The following NME8 variants were observed in gnomAD, a reference collection of about 807,000 sequenced individuals.
NME8 encodes protein NME8.
NME8 carries 72 observed loss-of-function variants against 82.3 expected under a neutral mutation model. The ratio of observed to expected loss-of-function variants is 0.87; its 90% CI spans 0.72 to 1.06. The LOEUF (loss-of-function observed/expected upper bound fraction) is 1.06. Among genes scored for constraint, NME8 ranks in the 50% least tolerant of loss-of-function variants. NME8 has a pLI of 0.00. For synonymous variants in NME8, 267 were observed against 228.5 expected, an observed-to-expected ratio of 1.17 and a Z score of -1.52; for missense variants, 712 against 685.4, an observed-to-expected ratio of 1.04 and a Z score of -0.43.
intron 5 of NME8, among the ~76,000 whole-genome samples, chr7:37,852,919 T>C (rs967006357): frequency 2.0e-5 from 3 of 152,168 alleles, no homozygotes; most frequent in African/African-American, 4.8e-5. Flanking sequence ...CACCAAATCT[T>C]CCTAAGCAGC....
chr7:37,896,674 A>G, intron 16 of NME8, 196 bp from the exon 17 acceptor site: 1 of 599,682 alleles, frequency 1.7e-6, no homozygotes, highest in Non-Finnish European at 3.0e-6. Context: ...CTAGAATTAA[A>G]TTATAGCACC....
chr7:37,886,079 C>A, intron 14 of NME8, among the ~76,000 whole-genome samples: 1 of 152,172 alleles, frequency 6.6e-6, no homozygotes, highest in East Asian at 1.9e-4. Flanking sequence ...GTGGGATACA[C>A]TTAAATCTGA....
chr7:37,882,042 T>C lies in NME8; in HGVS notation c.995-2261T>C, dbSNP rs543796261. On this transcript the variant is annotated intron_variant, in intron 12 of 17. Transcript: ENST00000199447. ...TGTTGTTGGTGGTTGTGGCTTGATT[T>C]ATTTAGATACTTGCAAAATATTTTC... 4.6e-5 allele frequency among the ~76,000 whole-genome samples: 7 copies of C among 152,366 alleles called. No homozygotes were observed. In the South Asian group the frequency reaches 1.4e-3, roughly 32 times the overall value.
chr7:37,878,077 T>C (rs1481167638), intron 12 of NME8, among the ~76,000 whole-genome samples: 1 of 152,218 alleles, frequency 6.6e-6, no homozygotes, highest in Non-Finnish European at 1.5e-5. Context: ...CAAAAGCATT[T>C]GGTCTTTTAC....
chr7:37,872,531 A>AT (rs1784783828), intron 11 of NME8, among the ~76,000 whole-genome samples: 1 of 152,240 alleles, frequency 6.6e-6, no homozygotes, highest in South Asian at 2.1e-4. Flanking sequence ...CTAGGTATAC[A>AT]TTTAAAAAGC....
intron 6 of NME8, among the ~76,000 whole-genome samples, chr7:37,860,195 T>C (rs970101990): frequency 1.3e-5 from 2 of 152,236 alleles, no homozygotes; most frequent in African/African-American, 4.8e-5. Context: ...TTAAAAAATA[T>C]ATAATACTTC....
chr7:37,854,220 A>C (rs1784477844), intron 5 of NME8, among the ~76,000 whole-genome samples: 1 of 152,186 alleles, frequency 6.6e-6, no homozygotes, highest in Admixed American at 6.5e-5. Context: ...AGTAAGCTAG[A>C]GGAAAGAAAA....
At position 37,850,314 on chromosome 7, in the gene NME8, T is replaced by C; in HGVS notation, c.33+15T>C. ...TCCAGTTACAGGTGGGTCTGACATA[T>C]CAACAATTCTTTATCTGGTGCACTA... On this transcript the variant is annotated intron_variant, in intron 3 of 17. Coordinates refer to ENST00000199447, the MANE Select transcript of NME8 (RefSeq NM_016616.5). 1.9e-6 allele frequency: 3 copies of C among 1,614,166 alleles called. No individual in the cohort carries two copies. The highest frequency in any genetic ancestry group is 2.5e-6 in the Non-Finnish European group (3 of 1,179,966).
At chr7:37,899,112 G>C (rs1785274674) in intron 17 of NME8, among the ~76,000 whole-genome samples, 1 of 152,164 alleles carries the variant, frequency 6.6e-6, no homozygotes, top group African/African-American at 2.4e-5. Flanking sequence ...CAACCATTGT[G>C]GAGGACAGTG....
At chr7:37,873,276 C>T (rs1476119836) in intron 11 of NME8, among the ~76,000 whole-genome samples, 1 of 149,002 alleles carries the variant, frequency 6.7e-6, no homozygotes, top group Non-Finnish European at 1.5e-5. Context: ...AGGAGAATTG[C>T]TTGAACCCAG....
rs2131937781 is a variant in NME8, at chr7:37,850,702, A to T, written c.165A>T (p.Glu55Asp). 6.2e-7 allele frequency: 1 copy of T among 1,613,744 alleles called. No homozygotes were observed. Residue 55 changes from glutamate (E) to aspartate (D), a missense_variant, in exon 5 of 18, where the codon GAA becomes GAT. Glu to Asp is a conservative substitution (Grantham distance 45, BLOSUM62 2). Coordinates refer to ENST00000199447, the MANE Select transcript of NME8 (RefSeq NM_016616.5). ...MQPLFRKLKN[E>D]LNEDEILHFA... ...CTTTATTCAGAAAATTGAAAAATGA[A>T]CTGAACGAAGACGAAATTCTGCATT...
In NME8 at chr7:37,867,874, G is replaced by C; in HGVS notation, c.794G>C (p.Gly265Ala). 1 of 1,613,712 alleles carries C rather than the reference G, an allele frequency of 6.2e-7. No homozygotes were observed. The highest frequency in any genetic ancestry group is 1.1e-5 in the South Asian group (1 of 91,064). The change falls in exon 11 of 18, where the codon GGA (glycine) becomes GCA (alanine). Residue 265 changes from glycine (G) to alanine (A), a missense_variant. Transcript: ENST00000199447. The part of the protein sequence containing the change: ...QPEVEAQVTP[G>A]MMKNKQDSLQ... ...GAGGTCGAAGCCCAGGTTACACCTG[G>C]AATGATGAAGAACAAACAAGACAGG... is the stretch of plus-strand genomic sequence containing the variant.
rs1554365622 is a variant in NME8, at chr7:37,882,597, A to AAGAAAGAAAGAAAGAGAGAG, written c.995-1703_995-1702insAAGAAAGAAAGAGAGAGAGA. Among the ~76,000 whole-genome samples the AAGAAAGAAAGAAAGAGAGAG allele has an allele frequency of 1.0e-3, 86 of 82,996 alleles. 1 individual carries two copies. Among genetic ancestry groups the AAGAAAGAAAGAAAGAGAGAG allele is most frequent in the Non-Finnish European group, 1.8e-3 (70 of 38,502 alleles). The allele number at this position is 82,996 out of a possible 152,430, so 54.4% of individuals were successfully genotyped here. On this transcript the variant is annotated intron_variant, in intron 12 of 17. Coordinates refer to ENST00000199447, the MANE Select transcript of NME8 (RefSeq NM_016616.5). Reference sequence around the variant, plus strand: ...AAAGAAAGAAAGAAAGAAAGAAAGAAAGAGAGAGAGAGAGAGAGAAAGAAA... The same window carrying AAGAAAGAAAGAAAGAGAGAG: ...AAAGAAAGAAAGAAAGAAAGAAAGAAAGAAAGAAAGAAAGAGAGAGAGAGAGAGAGAGAGAGAGAAAGAAA...
intron 6 of NME8, among the ~76,000 whole-genome samples, chr7:37,858,888 A>G (rs923158732): frequency 9.2e-5 from 14 of 152,230 alleles, no homozygotes; most frequent in South Asian, 4.1e-4. Flanking sequence ...TGCCCTCCCT[A>G]CAGTAATGAG....
At chr7:37,850,934 G>A (rs577648663) in intron 5 of NME8, among the ~76,000 whole-genome samples, 199 bp downstream of exon 5, 9 of 151,652 alleles carry the variant, frequency 5.9e-5, no homozygotes, top group Admixed American at 2.0e-4. Flanking sequence ...TTCTTATAAC[G>A]TCGAGGCTAT....
At chr7:37,877,776 A>AAGTC (rs1784879428) in intron 12 of NME8, among the ~76,000 whole-genome samples, 1 of 152,138 alleles carries the variant, frequency 6.6e-6, no homozygotes, top group African/African-American at 2.4e-5. Flanking sequence ...TACTCACTAA[A>AAGTC]AGTCAGTATC....
intron 11 of NME8, among the ~76,000 whole-genome samples, chr7:37,870,979 A>G (rs1462986310): frequency 2.0e-5 from 3 of 152,196 alleles, no homozygotes; most frequent in African/African-American, 7.2e-5. Flanking sequence ...AATAAGGACA[A>G]AAAACTCTCA....
intron 11 of NME8, among the ~76,000 whole-genome samples, chr7:37,868,557 C>A (rs1050143658): frequency 1.3e-5 from 2 of 152,094 alleles, no homozygotes; most frequent in Non-Finnish European, 2.9e-5. Context: ...GATCTTTGCT[C>A]CCCTCACTGT....
At chr7:37,872,745 ACT>A (rs34149989) in intron 11 of NME8, among the ~76,000 whole-genome samples, 84,499 of 151,800 alleles carry the variant, frequency 0.56, 24,665 homozygotes, top group East Asian at 0.68. Context: ...CTAATGAGAA[ACT>A]CTGCACAGAG....
Sources: allele counts gnomAD v4.1 joint callset (sites outside exome capture counted in the v4.1 genomes callset), GRCh38; gene constraint gnomAD v4.1.1; transcripts MANE v1.5; gene names NCBI Gene and HGNC (gene_info 2026-07-23, HGNC 2026-07-21).